Variants in INHBC observed in about 807,000 individuals in gnomAD.
INHBC encodes inhibin subunit beta C.
In INHBC, 10 loss-of-function variants were observed where a neutral mutation model predicts 12.4. The ratio of observed to expected loss-of-function variants is 0.81; its 90% CI spans 0.50 to 1.37. The LOEUF is 1.37. Ranked by LOEUF, INHBC falls within the 40% of genes most tolerant of loss-of-function variation. INHBC has a pLI of 0.00. For missense variants in INHBC, 382 were observed against 439.4 expected, an observed-to-expected ratio of 0.87 and a Z score of 1.17; for synonymous variants, 147 against 171.6, an observed-to-expected ratio of 0.86 and a Z score of 1.12.
At chr12:57,436,946 TG>T (rs1353325348) in intron 1 of INHBC, among the ~76,000 whole-genome samples, 1 of 152,004 alleles carries the variant, frequency 6.6e-6, no homozygotes, top group African/African-American at 2.4e-5. Flanking sequence ...GGATTACAGG[TG>T]TGAGCCACCG....
intron 1 of INHBC, among the ~76,000 whole-genome samples, chr12:57,441,542 A>T (rs1047757771): frequency 1.3e-5 from 2 of 151,844 alleles, no homozygotes; most frequent in Non-Finnish European, 1.5e-5. Context: ...AAAAAAAAAA[A>T]AAGTCAATGC....
At chr12:57,435,822 C>T (rs1435801493) in intron 1 of INHBC, among the ~76,000 whole-genome samples, 1 of 151,850 alleles carries the variant, frequency 6.6e-6, no homozygotes, top group Non-Finnish European at 1.5e-5. Flanking sequence ...GAGTTCGAGA[C>T]CAGCCTGAGC....
chr12:57,444,974 G>A (rs1415460154), intron 1 of INHBC, among the ~76,000 whole-genome samples: 6 of 152,126 alleles, frequency 3.9e-5, no homozygotes, highest in African/African-American at 1.2e-4. Context: ...GTGCCACCAC[G>A]CCTGGCTGAA....
intron 1 of INHBC, among the ~76,000 whole-genome samples, chr12:57,447,563 T>A (rs1870605329): frequency 6.6e-6 from 1 of 151,122 alleles, no homozygotes; most frequent in Non-Finnish European, 1.5e-5. Context: ...GGAAAGTAAT[T>A]ATTTTTCAGG....
intron 1 of INHBC, among the ~76,000 whole-genome samples, chr12:57,436,697 C>T (rs1484459183): frequency 2.0e-5 from 3 of 150,562 alleles, no homozygotes; most frequent in South Asian, 2.1e-4. Context: ...AATGGAGTCT[C>T]GCTTTGTCAC....
chr12:57,438,281 A>G (rs1271477466), intron 1 of INHBC, among the ~76,000 whole-genome samples: 1 of 152,238 alleles, frequency 6.6e-6, no homozygotes, highest in Non-Finnish European at 1.5e-5. Context: ...GGAAGGGAGC[A>G]GGAACTAGAG....
At chr12:57,447,894 T>TAC (rs1870620872) in intron 1 of INHBC, among the ~76,000 whole-genome samples, 1 of 24,542 alleles carries the variant, frequency 4.1e-5, no homozygotes, top group African/African-American at 1.4e-4. Flanking sequence ...AAAAAAAAAA[T>TAC]ATATATATAT....
chr12:57,446,243 T>A (rs1007510399), intron 1 of INHBC, among the ~76,000 whole-genome samples: 3 of 149,258 alleles, frequency 2.0e-5, no homozygotes, highest in African/African-American at 7.3e-5. Context: ...GCCTAAAAAT[T>A]TTTTTTTAAT....
At position 57,435,180 on chromosome 12, in the gene INHBC, C is replaced by T. The variant is rs1392941396; in HGVS notation, c.294C>T (p.Ile98=). 3 of 1,612,076 alleles carry T rather than the reference C, an allele frequency of 1.9e-6. No individual in the cohort carries two copies. The highest frequency in any genetic ancestry group is 2.5e-6 in the Non-Finnish European group (3 of 1,178,438). Residue 98 remains isoleucine, a synonymous_variant, in exon 1 of 2, where the codon ATC becomes ATT. Transcript: ENST00000309668. ...ACAACAGGGAACAGGAATGTGAAAT[C>T]ATCAGCTTTGCTGAGACAGGTGGGT... ...LEDNREQECE[I]ISFAETGLST...
At position 57,441,979 on chromosome 12, in the gene INHBC, C is replaced by T. The variant is rs187120505; in HGVS notation, c.313+6780C>T. 5.3e-5 allele frequency among the ~76,000 whole-genome samples: 8 copies of T among 152,244 alleles called. No homozygotes were observed. The East Asian group carries it at 1.5e-3, about 29-fold the overall frequency. On this transcript the variant is annotated intron_variant, in intron 1 of 1. Transcript: ENST00000309668. The stretch of plus-strand genomic sequence containing the variant: ...TACAAGCATGAGCCATTGCCCCCAG[C>T]CACTCTCATGGTTTTGTGGCTTGAC...
In INHBC at chr12:57,449,826, C is replaced by T; in HGVS notation, c.863C>T (p.Pro288Leu). Residue 288 changes from proline to leucine, a missense_variant, in exon 2 of 2, where the codon CCT becomes CTT. Coordinates refer to ENST00000309668, the MANE Select transcript of INHBC (RefSeq NM_005538.4). ...GQCPLHIAGM[P>L]GIAASFHTAV... ...TGCCCACTACACATAGCAGGCATGC[C>T]TGGTATTGCTGCCTCCTTTCACACT... 6.2e-7 allele frequency: 1 copy of T among 1,612,934 alleles called. No individual in the cohort carries two copies. Among genetic ancestry groups the T allele is most frequent in the East Asian group, 2.2e-5 (1 of 44,858 alleles).
chr12:57,441,014 C>T (rs988932244), intron 1 of INHBC, among the ~76,000 whole-genome samples: 1 of 152,090 alleles, frequency 6.6e-6, no homozygotes, highest in South Asian at 2.1e-4. Context: ...TTGAGACCAC[C>T]CTGGTCAATA....
intron 1 of INHBC, among the ~76,000 whole-genome samples, chr12:57,442,027 C>G (rs1032408407): frequency 2.0e-5 from 3 of 152,120 alleles, no homozygotes; most frequent in Admixed American, 2.0e-4. Context: ...GACAGTTCTT[C>G]TGCTCCATGT....
intron 1 of INHBC, among the ~76,000 whole-genome samples, chr12:57,444,309 G>C: frequency 6.6e-6 from 1 of 152,124 alleles, no homozygotes; most frequent in East Asian, 1.9e-4. Context: ...TTGGGAGGCC[G>C]AGGTAGGAGG....
At chr12:57,439,099 AT>A (rs943114809) in intron 1 of INHBC, among the ~76,000 whole-genome samples, 2 of 152,088 alleles carry the variant, frequency 1.3e-5, no homozygotes, top group Admixed American at 6.6e-5. Flanking sequence ...AGGGCTTTTG[AT>A]TTTTTTCCCT....
chr12:57,435,754 A>C (rs1400522524), intron 1 of INHBC, among the ~76,000 whole-genome samples: 2 of 152,206 alleles, frequency 1.3e-5, no homozygotes, highest in African/African-American at 4.8e-5. Flanking sequence ...GGCTGGGCAC[A>C]GTGGCTCCTG....
chr12:57,435,218 G>C lies in INHBC; in HGVS notation c.313+19G>C. ...GAGACAGGTGGGTTCCTGATCTGTA[G>C]CTCTTCCCCAGAACTTGACCCCTCA... On this transcript the variant is annotated intron_variant, in intron 1 of 1. Coordinates refer to ENST00000309668, the MANE Select transcript of INHBC (RefSeq NM_005538.4). The C allele has an allele frequency of 1.3e-6, 2 of 1,591,300 alleles. No individual in the cohort carries two copies. The highest frequency in any genetic ancestry group is 1.7e-6 in the Non-Finnish European group (2 of 1,164,562).
Position 57,435,211 on chromosome 12 carries a change from A to T in INHBC, c.313+12A>T, listed in dbSNP as rs767565370. 7.6e-5 allele frequency: 122 copies of T among 1,597,568 alleles called. No homozygotes were observed. Among genetic ancestry groups the T allele is most frequent in the Non-Finnish European group, 1.0e-4 (117 of 1,168,474 alleles). On this transcript the variant is annotated intron_variant, in intron 1 of 1. Coordinates refer to ENST00000309668, the MANE Select transcript of INHBC (RefSeq NM_005538.4). ...CTTTGCTGAGACAGGTGGGTTCCTG[A>T]TCTGTAGCTCTTCCCCAGAACTTGA...
Position 57,449,261 on chromosome 12 carries a change from C to T in INHBC, c.314-16C>T, listed in dbSNP as rs112276565. The T allele has an allele frequency of 2.4e-5, 39 of 1,596,826 alleles. 3 individuals are homozygous for T. The African/African-American group carries it at 3.1e-4, about 13-fold the overall frequency. ...AGTCAGAAGGCCGCAATGACTGGGG[C>T]TTCTTATGTCCACAGGCCTCTCCAC... On this transcript the variant is annotated splice_polypyrimidine_tract_variant and intron_variant, in intron 1 of 1. Transcript: ENST00000309668.
Sources: allele counts gnomAD v4.1 joint callset (sites outside exome capture counted in the v4.1 genomes callset), GRCh38; gene constraint gnomAD v4.1.1; transcripts MANE v1.5; gene names NCBI Gene and HGNC (gene_info 2026-07-23, HGNC 2026-07-21).